WWOX: variants seen among roughly 807,000 people sequenced by gnomAD.
The protein encoded by WWOX is WW domain-containing oxidoreductase.
WWOX carries 69 observed loss-of-function variants against 46.2 expected under a neutral mutation model. The observed-to-expected ratio is 1.49, with a 90% confidence interval of 1.23 to 1.82. WWOX has a LOEUF of 1.82. Ranked by LOEUF, WWOX falls within the 40% of genes most tolerant of loss-of-function variation. WWOX has a pLI of 0.00. For synonymous variants in WWOX, 359 were observed against 202.6 expected (o/e 1.77, Z -6.56); for missense variants, 919 against 542.6 (o/e 1.69, Z -6.89).
At chr16:78,735,845 T>C (rs979841728) in intron 8 of WWOX, among the ~76,000 whole-genome samples, 1 of 152,234 alleles carries the variant, frequency 6.6e-6, no homozygotes, top group African/African-American at 2.4e-5. Context: ...TCCACACCTT[T>C]CTGCTCTCTG....
intron 8 of WWOX, among the ~76,000 whole-genome samples, chr16:78,792,007 A>C (rs1209369377): frequency 6.6e-6 from 1 of 152,108 alleles, no homozygotes; most frequent in Non-Finnish European, 1.5e-5. Flanking sequence ...AGAAGTCAGT[A>C]CTGGACATTC....
chr16:78,547,294 A>C (rs768183101), intron 8 of WWOX, among the ~76,000 whole-genome samples: 1 of 152,138 alleles, frequency 6.6e-6, no homozygotes, highest in Non-Finnish European at 1.5e-5. Context: ...AATTAATACA[A>C]TTCTACTAGA....
intron 5 of WWOX, among the ~76,000 whole-genome samples, chr16:78,352,470 G>A (rs569370694): frequency 1.2e-4 from 19 of 152,244 alleles, no homozygotes; most frequent in African/African-American, 4.1e-4. Flanking sequence ...AAATCCTTTG[G>A]CTCATGGCCC....
intron 8 of WWOX, among the ~76,000 whole-genome samples, chr16:79,041,332 C>G (rs1166171446): frequency 6.6e-6 from 1 of 152,192 alleles, no homozygotes; most frequent in South Asian, 2.1e-4. Context: ...CACCTTCTCT[C>G]TGAGCTCACC....
At chr16:78,646,858 G>T (rs2738588) in intron 8 of WWOX, among the ~76,000 whole-genome samples, 1 of 151,922 alleles carries the variant, frequency 6.6e-6, no homozygotes, top group African/African-American at 2.4e-5. Flanking sequence ...TAACTCTGCT[G>T]TGTCACGCTG....
At chr16:78,198,214 T>G (rs1023314823) in intron 5 of WWOX, among the ~76,000 whole-genome samples, 3 of 152,120 alleles carry the variant, frequency 2.0e-5, no homozygotes, top group African/African-American at 7.2e-5. Context: ...TCCAGACTGA[T>G]TCCTAGATCT....
At chr16:78,518,818 A>G (rs1228364708) in intron 8 of WWOX, among the ~76,000 whole-genome samples, 1 of 152,138 alleles carries the variant, frequency 6.6e-6, no homozygotes, top group Non-Finnish European at 1.5e-5. Context: ...TGGTAGAGAA[A>G]TGGATTGCCT....
At chr16:79,118,244 A>G (rs2049558083) in intron 8 of WWOX, among the ~76,000 whole-genome samples, 1 of 152,210 alleles carries the variant, frequency 6.6e-6, no homozygotes, top group African/African-American at 2.4e-5. Flanking sequence ...GGGAGGCCCA[A>G]GGAGGGGGAA....
intron 8 of WWOX, among the ~76,000 whole-genome samples, chr16:78,785,834 A>C (rs915606352): frequency 6.6e-6 from 1 of 152,116 alleles, no homozygotes; most frequent in Non-Finnish European, 1.5e-5. Context: ...TATTTCTTCA[A>C]TTTTTTTCTG....
chr16:78,704,148 T>TA (rs2048284080), intron 8 of WWOX, among the ~76,000 whole-genome samples: 2 of 151,604 alleles, frequency 1.3e-5, no homozygotes, highest in Admixed American at 6.6e-5. Context: ...TTTTTTTTTT[T>TA]AACCTCCAGC....
intron 8 of WWOX, among the ~76,000 whole-genome samples, chr16:78,996,978 G>A (rs1340252900): frequency 2.0e-5 from 3 of 152,172 alleles, no homozygotes; most frequent in East Asian, 3.9e-4. Flanking sequence ...GGATCTTTTC[G>A]CCTTGGCAGT....
intron 6 of WWOX, among the ~76,000 whole-genome samples, chr16:78,417,155 C>A (rs1318948324): frequency 6.6e-6 from 1 of 152,070 alleles, no homozygotes; most frequent in African/African-American, 2.4e-5. Context: ...TCACTGCAGC[C>A]ACAACCTCCC....
intron 8 of WWOX, among the ~76,000 whole-genome samples, chr16:78,883,734 A>C (rs944606503): frequency 6.6e-6 from 1 of 151,420 alleles, no homozygotes; most frequent in South Asian, 2.1e-4. Flanking sequence ...AAAAAAAAAA[A>C]AGAAAAAAAA....
chr16:78,882,782 C>T (rs1365446732), intron 8 of WWOX, among the ~76,000 whole-genome samples: 1 of 151,568 alleles, frequency 6.6e-6, no homozygotes, highest in Non-Finnish European at 1.5e-5. Context: ...AGCCACCGCA[C>T]CCGGTTATAC....
chr16:78,400,490 C>G (rs549428720), intron 6 of WWOX, among the ~76,000 whole-genome samples: 4 of 152,030 alleles, frequency 2.6e-5, no homozygotes, highest in Non-Finnish European at 4.4e-5. Flanking sequence ...CATTGTGGAT[C>G]GATGGATGGA....
At chr16:78,185,710 A>G (rs1392428725) in intron 5 of WWOX, among the ~76,000 whole-genome samples, 1 of 152,152 alleles carries the variant, frequency 6.6e-6, no homozygotes, top group African/African-American at 2.4e-5. Context: ...TCTGTTACCC[A>G]GGCTAGAGTA....
At chr16:78,435,578 G>C (rs1180519610) in intron 8 of WWOX, among the ~76,000 whole-genome samples, 1 of 152,180 alleles carries the variant, frequency 6.6e-6, no homozygotes, top group African/African-American at 2.4e-5. Context: ...AAAAATCCCA[G>C]GTTTTGTTGA....
At chr16:78,176,361 G>C (rs2035344390) in intron 5 of WWOX, among the ~76,000 whole-genome samples, 1 of 152,208 alleles carries the variant, frequency 6.6e-6, no homozygotes, top group Non-Finnish European at 1.5e-5. Flanking sequence ...CTAGGCAGCT[G>C]GAGAGCGTGC....
chr16:78,986,386 G>A (rs964019394), intron 8 of WWOX, among the ~76,000 whole-genome samples: 3 of 152,170 alleles, frequency 2.0e-5, no homozygotes, highest in South Asian at 2.1e-4. Flanking sequence ...TGTGCTCCAC[G>A]AAGAACAATT....
Sources: allele counts gnomAD v4.1 joint callset (sites outside exome capture counted in the v4.1 genomes callset), GRCh38; gene constraint gnomAD v4.1.1; transcripts MANE v1.5; gene names NCBI Gene and HGNC (gene_info 2026-07-23, HGNC 2026-07-21).